CYSTM1: variants seen among roughly 807,000 people sequenced by gnomAD.
CYSTM1 encodes cysteine rich transmembrane module containing 1, also known as cysteine-rich transmembrane module-containing protein 1.
CYSTM1 carries 4 observed loss-of-function variants against 13.1 expected under a neutral mutation model. The ratio of observed to expected loss-of-function variants is 0.31; its 90% confidence interval spans 0.15 to 0.70. The LOEUF (loss-of-function observed/expected upper bound fraction) is 0.70, where lower values mean the gene tolerates loss of function less well. CYSTM1 is among the 30% of genes least tolerant of loss of function. The pLI, the probability that CYSTM1 is intolerant of heterozygous loss-of-function variation, is 0.72. For synonymous variants in CYSTM1, 36 were observed against 42.7 expected, an observed-to-expected ratio of 0.84 and a Z score of 0.62; for missense variants, 96 against 121.6, an observed-to-expected ratio of 0.79 and a Z score of 0.99.
At chr5:140,195,217 A>G (rs1188235314) in intron 2 of CYSTM1, among the ~76,000 whole-genome samples, 1 of 152,198 alleles carries the variant, frequency 6.6e-6, no homozygotes, top group Non-Finnish European at 1.5e-5. Flanking sequence ...ACAGTTATGG[A>G]CTATATTATA....
intron 2 of CYSTM1, among the ~76,000 whole-genome samples, chr5:140,206,614 G>GTTTT (rs1764301426): frequency 6.8e-6 from 1 of 147,720 alleles, no homozygotes; most frequent in Admixed American, 6.7e-5. Context: ...ACTGTTGTTT[G>GTTTT]TTTGTTTGTT....
Position 140,194,600 on chromosome 5 carries a change from A to T in CYSTM1, c.135A>T (p.Gly45=). 6.2e-7 allele frequency: 1 copy of T among 1,613,622 alleles called. No homozygotes were observed. The highest frequency in any genetic ancestry group is 2.2e-5 in the East Asian group (1 of 44,866). ...CTCCTCAAGGGTACCCCTACCAAGG[A>T]TACCCACAGTACGGCTGGCAGGGTG... The part of the protein sequence containing the change: ...YPPPQGYPYQ[G]YPQYGWQGGP... The change falls in exon 2 of 3, where the codon GGA becomes GGT. Residue 45 remains glycine (G), a synonymous_variant. Coordinates refer to ENST00000261811, the MANE Select transcript of CYSTM1 (RefSeq NM_032412.4).
intron 2 of CYSTM1, among the ~76,000 whole-genome samples, chr5:140,242,952 C>G (rs751733280): frequency 4.4e-4 from 67 of 152,274 alleles, no homozygotes; most frequent in South Asian, 1.2e-3. Flanking sequence ...CAGCTGTATC[C>G]CAAGAAATGA....
intron 2 of CYSTM1, among the ~76,000 whole-genome samples, chr5:140,229,084 T>G (rs1581071968): frequency 6.6e-6 from 1 of 152,326 alleles, no homozygotes; most frequent in Non-Finnish European, 1.5e-5. Context: ...TTATACATAT[T>G]CTTAGCCTGT....
In CYSTM1 at chr5:140,243,508, A is replaced by G; in HGVS notation, c.*97A>G. The G allele has an allele frequency of 1.1e-6, 1 of 927,618 alleles. No individual in the cohort carries two copies. The highest frequency in any genetic ancestry group is 1.6e-6 in the Non-Finnish European group (1 of 607,252). The allele number at this position is 927,618 out of a possible 1,614,324, so 57.5% of individuals were successfully genotyped here. On this transcript the variant is annotated 3_prime_UTR_variant, in exon 3 of 3. Coordinates refer to ENST00000261811, the MANE Select transcript of CYSTM1 (RefSeq NM_032412.4). Reference sequence around the variant, plus strand: ...TTCTGATTGCTGTTAACAAATGACTAGCTTTGCACAGACACCTCTACCTTC... The same window carrying G: ...TTCTGATTGCTGTTAACAAATGACTGGCTTTGCACAGACACCTCTACCTTC...
At chr5:140,178,313 G>A (rs1763916802) in intron 1 of CYSTM1, among the ~76,000 whole-genome samples, 1 of 152,136 alleles carries the variant, frequency 6.6e-6, no homozygotes, top group Non-Finnish European at 1.5e-5. Context: ...AGGCTTATAT[G>A]AAATTTGAGC....
At chr5:140,176,926 G>A in intron 1 of CYSTM1, among the ~76,000 whole-genome samples, 1 of 151,968 alleles carries the variant, frequency 6.6e-6, no homozygotes, top group East Asian at 1.9e-4. Context: ...AAAATAAGCC[G>A]GGCGTGGTGG....
intron 2 of CYSTM1, among the ~76,000 whole-genome samples, chr5:140,198,957 C>A (rs899247508): frequency 6.6e-6 from 1 of 152,024 alleles, no homozygotes; most frequent in African/African-American, 2.4e-5. Flanking sequence ...CCTCCCCTAG[C>A]CCCCCAACTC....
In CYSTM1 at chr5:140,199,593, C is replaced by T. The variant is rs527873017; in HGVS notation, c.187+4941C>T. The stretch of plus-strand genomic sequence containing the variant: ...GCAACCTCCACCTCCGGGGTTCAAG[C>T]GATTCTCCTGCCTCAGCCCCCTGAG... On this transcript the variant is annotated intron_variant, in intron 2 of 2. Coordinates refer to ENST00000261811, the MANE Select transcript of CYSTM1 (RefSeq NM_032412.4). Among the ~76,000 whole-genome samples, 11 of 152,240 alleles carry T rather than the reference C, an allele frequency of 7.2e-5. 1 individual carries two copies. The South Asian group carries it at 2.1e-3, about 29-fold the overall frequency.
At chr5:140,184,509 A>G (rs528503752) in intron 1 of CYSTM1, among the ~76,000 whole-genome samples, 1 of 152,276 alleles carries the variant, frequency 6.6e-6, no homozygotes, top group South Asian at 2.1e-4. Context: ...TTTACTTAAA[A>G]ATATGTCTTT....
At chr5:140,231,729 C>A (rs1209993929) in intron 2 of CYSTM1, among the ~76,000 whole-genome samples, 1 of 152,130 alleles carries the variant, frequency 6.6e-6, no homozygotes, top group African/African-American at 2.4e-5. Context: ...GGTGCCAAGG[C>A]CCAATGGCAG....
chr5:140,235,431 A>C (rs1764669344), intron 2 of CYSTM1, among the ~76,000 whole-genome samples: 1 of 141,642 alleles, frequency 7.1e-6, no homozygotes, highest in Non-Finnish European at 1.5e-5. Flanking sequence ...TTTGAGATGG[A>C]GTCTCGCTCT....
In CYSTM1 at chr5:140,239,749, T is replaced by C. The variant is rs546099757; in HGVS notation, c.188-3556T>C. Reference sequence around the variant, plus strand: ...GCAAAGCTCTGGGTGCCTGCCCCTCTGCAGGCCCCACATCAGACTGGGGCT... The same window carrying C: ...GCAAAGCTCTGGGTGCCTGCCCCTCCGCAGGCCCCACATCAGACTGGGGCT... On this transcript the variant is annotated intron_variant, in intron 2 of 2. Transcript: ENST00000261811. The surrounding 1 kb of genome is among the most constrained non-coding windows in gnomAD (Gnocchi z 5.4). Among the ~76,000 whole-genome samples, 1 of 152,288 alleles carries C rather than the reference T, an allele frequency of 6.6e-6. No individual in the cohort carries two copies. Among genetic ancestry groups the C allele is most frequent in the African/African-American group, 2.4e-5 (1 of 41,574 alleles).
intron 2 of CYSTM1, among the ~76,000 whole-genome samples, chr5:140,222,332 C>G (rs941799356): frequency 6.6e-6 from 1 of 152,226 alleles, no homozygotes; most frequent in African/African-American, 2.4e-5. Flanking sequence ...AAGTATATTT[C>G]TGAAATGCCT....
chr5:140,207,360 C>T (rs980837230), intron 2 of CYSTM1, among the ~76,000 whole-genome samples: 4 of 152,180 alleles, frequency 2.6e-5, no homozygotes, highest in Admixed American at 2.6e-4. Flanking sequence ...ACTGGACTTA[C>T]AACTTGCTGA....
intron 2 of CYSTM1, among the ~76,000 whole-genome samples, chr5:140,226,027 G>A (rs1009660238): frequency 2.0e-5 from 3 of 152,122 alleles, no homozygotes; most frequent in African/African-American, 7.2e-5. Flanking sequence ...CTTTCTCCCT[G>A]TCTACAAGAG....
At chr5:140,199,692 T>C (rs573036978) in intron 2 of CYSTM1, among the ~76,000 whole-genome samples, 2 of 152,202 alleles carry the variant, frequency 1.3e-5, no homozygotes, top group Non-Finnish European at 2.9e-5. Flanking sequence ...TTTCACCATA[T>C]TGGTCAGGCT....
intron 2 of CYSTM1, chr5:140,201,915 G>C (rs1473864237): frequency 6.6e-6 from 1 of 151,442 alleles, no homozygotes; most frequent in South Asian, 2.1e-4. Context: ...CAGAAAGTGG[G>C]GGAATCCTCT....
At chr5:140,212,980 A>G (rs1219404801) in intron 2 of CYSTM1, among the ~76,000 whole-genome samples, 1 of 69,956 alleles carries the variant, frequency 1.4e-5, no homozygotes, top group Non-Finnish European at 3.0e-5. Flanking sequence ...AAACAAAACA[A>G]AAGTATATAT....
Sources: gnomAD v4.1 joint callset for allele counts (sites outside exome capture counted in the v4.1 genomes callset) on GRCh38, gnomAD v4.1.1 for gene constraint, Gnocchi (gnomAD v3.1) non-coding constraint, MANE v1.5 for transcripts, NCBI Gene and HGNC (gene_info 2026-07-23, HGNC 2026-07-21) for gene names.